Variants in GABRG3 observed in about 807,000 individuals in gnomAD.
The protein encoded by GABRG3 is gamma-aminobutyric acid receptor subunit gamma-3.
GABRG3 carries 25 observed loss-of-function variants against 48.8 expected under a neutral mutation model. The observed-to-expected ratio is 0.51, with a 90% CI of 0.37 to 0.72. GABRG3 has a LOEUF of 0.72. Ranked by LOEUF, GABRG3 falls within the 30% of genes least tolerant of loss-of-function variation. The pLI is 0.00. For synonymous variants in GABRG3, 227 were observed against 217.6 expected, an observed-to-expected ratio of 1.04 and a Z score of -0.38; for missense variants, 394 against 577.9, an observed-to-expected ratio of 0.68 and a Z score of 3.26.
chr15:27,300,680 A>C (rs1379411490), intron 3 of GABRG3, among the ~76,000 whole-genome samples: 6 of 26,952 alleles, frequency 2.2e-4, no homozygotes, highest in African/African-American at 1.1e-3. Context: ...TAAATAAGCA[A>C]AAAAAAAAAA....
rs1026219629 is a variant in GABRG3, at chr15:27,247,020, G to A, written c.271-79789G>A. Among the ~76,000 whole-genome samples the A allele has an allele frequency of 4.6e-5, 7 of 152,174 alleles. 1 individual carries two copies. The highest frequency in any genetic ancestry group is 4.6e-4 in the Admixed American group (7 of 15,270). On this transcript the variant is annotated intron_variant, in intron 3 of 9. Transcript: ENST00000615808. ...TCTCTTTCACCCAGGCTGAAGTGCA[G>A]TGGCACAATCTGGGTGCAAGCAATT...
chr15:27,429,815 A>G (rs71465229), intron 5 of GABRG3, among the ~76,000 whole-genome samples: 6,651 of 152,326 alleles, frequency 0.044, 220 homozygotes, highest in East Asian at 0.12. Context: ...CCATGGATCT[A>G]TTCTGTGGCT....
rs117158285 is a variant in GABRG3 at position 27,199,181 on chromosome 15, A to C, written c.271-127628A>C. On this transcript the variant is annotated intron_variant, in intron 3 of 9. Coordinates refer to ENST00000615808, the MANE Select transcript of GABRG3 (RefSeq NM_033223.5). ...TTAAGGAAAAATAGAGCCAAAGGTT[A>C]CTGGAACAAACGAACCACGTATTGA... Among the ~76,000 whole-genome samples, 25 of 152,338 alleles carry C rather than the reference A, an allele frequency of 1.6e-4. No homozygotes were observed. In the East Asian group the frequency reaches 4.8e-3, roughly 29 times the overall value.
chr15:27,199,276 C>G (rs938833558), intron 3 of GABRG3, among the ~76,000 whole-genome samples: 8 of 152,148 alleles, frequency 5.3e-5, no homozygotes, highest in Admixed American at 5.2e-4. Flanking sequence ...ACGGGATGCA[C>G]TTTTCTTTTA....
At chr15:27,010,416 T>C (rs947207122) in intron 2 of GABRG3, among the ~76,000 whole-genome samples, 1 of 152,206 alleles carries the variant, frequency 6.6e-6, no homozygotes, top group African/African-American at 2.4e-5. Context: ...GTAACTTGCT[T>C]GATTCTTTTA....
intron 5 of GABRG3, among the ~76,000 whole-genome samples, chr15:27,444,579 C>T (rs1222884606): frequency 1.3e-5 from 2 of 152,046 alleles, no homozygotes; most frequent in Non-Finnish European, 2.9e-5. Context: ...TCTCAAAGTT[C>T]AATCTGATAA....
At chr15:27,328,477 G>A (rs185605640) in intron 4 of GABRG3, among the ~76,000 whole-genome samples, 161 of 152,348 alleles carry the variant, frequency 1.1e-3, no homozygotes, top group Middle Eastern at 3.4e-3. Flanking sequence ...AATGGAGGAA[G>A]GATTTAATTC....
At chr15:27,161,107 T>C (rs1386941494) in intron 3 of GABRG3, 2 of 152,208 alleles carry the variant, frequency 1.3e-5, no homozygotes, top group African/African-American at 2.4e-5. Context: ...TCTTGAGTTC[T>C]CTTTCTTCTG....
At chr15:27,117,125 G>C (rs1388833122) in intron 3 of GABRG3, among the ~76,000 whole-genome samples, 1 of 152,160 alleles carries the variant, frequency 6.6e-6, no homozygotes, top group Non-Finnish European at 1.5e-5. Context: ...AGGTCACAAA[G>C]CTAATAAGGG....
chr15:27,439,400 A>G (rs557656085), intron 5 of GABRG3, among the ~76,000 whole-genome samples: 98 of 152,368 alleles, frequency 6.4e-4, no homozygotes, highest in African/African-American at 2.2e-3. Context: ...CATTTCCAGT[A>G]GATAATACAC....
chr15:27,380,971 T>C (rs1895755243), intron 5 of GABRG3, among the ~76,000 whole-genome samples: 1 of 152,028 alleles, frequency 6.6e-6, no homozygotes, highest in African/African-American at 2.4e-5. Context: ...TTCACCGTGT[T>C]AGCCAGGACG....
At chr15:27,217,144 A>T (rs914370643) in intron 3 of GABRG3, among the ~76,000 whole-genome samples, 1 of 151,912 alleles carries the variant, frequency 6.6e-6, no homozygotes, top group Non-Finnish European at 1.5e-5. Flanking sequence ...TCCATGGTGT[A>T]TATGTGCCAC....
chr15:27,304,832 T>C (rs1453284653), intron 3 of GABRG3, among the ~76,000 whole-genome samples: 2 of 151,996 alleles, frequency 1.3e-5, no homozygotes, highest in Non-Finnish European at 2.9e-5. Flanking sequence ...CTTTAGGGAC[T>C]ATTATTCTGT....
intron 5 of GABRG3, among the ~76,000 whole-genome samples, chr15:27,349,010 T>C (rs1295877458): frequency 1.3e-5 from 2 of 151,998 alleles, no homozygotes; most frequent in East Asian, 1.9e-4. Context: ...AGTTAGACAG[T>C]TGGTGTCAGA....
intron 5 of GABRG3, among the ~76,000 whole-genome samples, chr15:27,413,666 G>A (rs923337828): frequency 2.0e-5 from 3 of 152,044 alleles, no homozygotes; most frequent in Non-Finnish European, 2.9e-5. Flanking sequence ...ATTTTAAGAC[G>A]GAGAATGCAG....
intron 3 of GABRG3, among the ~76,000 whole-genome samples, chr15:27,287,176 A>G (rs151229348): frequency 0.014 from 2,145 of 152,260 alleles, 30 homozygotes; most frequent in Middle Eastern, 0.031. Context: ...TTTTCTGTGT[A>G]TATTTTGCAC....
intron 3 of GABRG3, among the ~76,000 whole-genome samples, chr15:27,043,583 C>T (rs4887546): frequency 4.0e-4 from 61 of 152,146 alleles, no homozygotes; most frequent in African/African-American, 1.3e-3. Flanking sequence ...TGCTTCCTTC[C>T]GCCCTTTTCT....
At chr15:27,293,349 G>T (rs1891857107) in intron 3 of GABRG3, among the ~76,000 whole-genome samples, 1 of 152,128 alleles carries the variant, frequency 6.6e-6, no homozygotes, top group Non-Finnish European at 1.5e-5. Context: ...TGTTTATTGG[G>T]AGTAAATGCT....
At chr15:27,425,965 C>T (rs1293613398) in intron 5 of GABRG3, among the ~76,000 whole-genome samples, 1 of 152,138 alleles carries the variant, frequency 6.6e-6, no homozygotes, top group African/African-American at 2.4e-5. Flanking sequence ...GTGGTAAGTA[C>T]CCTCTCCCAT....
Sources: allele counts gnomAD v4.1 joint callset (sites outside exome capture counted in the v4.1 genomes callset), GRCh38; gene constraint gnomAD v4.1.1; transcripts MANE v1.5; gene names NCBI Gene and HGNC (gene_info 2026-07-23, HGNC 2026-07-21).